Variants in NID1 observed in about 807,000 individuals in gnomAD.
The protein encoded by NID1 is nidogen 1.
Under a neutral mutation model 130.6 loss-of-function variants are expected in NID1, and 76 were observed. The observed-to-expected ratio is 0.58, with a 90% CI of 0.48 to 0.70. The LOEUF is 0.70. NID1 is among the 30% of genes least tolerant of loss of function. NID1 has a pLI of 0.00. For synonymous variants in NID1, 665 were observed against 675.1 expected (o/e 0.98, Z 0.23); for missense variants, 1,517 against 1,664.8 (o/e 0.91, Z 1.54).
chr1:236,064,035 C>T (rs932549951), intron 1 of NID1, among the ~76,000 whole-genome samples: 11 of 152,190 alleles, frequency 7.2e-5, no homozygotes, highest in African/African-American at 2.4e-4. Context: ...GTTTGCAGTT[C>T]CAACCCCCTT....
intron 13 of NID1, among the ~76,000 whole-genome samples, chr1:235,992,257 A>G (rs1402918045): frequency 6.6e-6 from 1 of 152,060 alleles, no homozygotes; most frequent in Non-Finnish European, 1.5e-5. Context: ...ATTACACCCA[A>G]TCGGTGACAC....
At chr1:236,053,938 T>C (rs570719283) in intron 1 of NID1, among the ~76,000 whole-genome samples, 5 of 151,996 alleles carry the variant, frequency 3.3e-5, no homozygotes, top group Non-Finnish European at 7.4e-5. Flanking sequence ...TAAAATAAAA[T>C]AAATAAAAAG....
chr1:236,007,143 C>A (rs1658271982), intron 12 of NID1, among the ~76,000 whole-genome samples: 1 of 152,172 alleles, frequency 6.6e-6, no homozygotes, highest in Non-Finnish European at 1.5e-5. Context: ...CTTGCCTCGG[C>A]CTTGTGAATA....
chr1:236,044,571 T>A (rs967685020), intron 3 of NID1, among the ~76,000 whole-genome samples: 1 of 152,130 alleles, frequency 6.6e-6, no homozygotes. Context: ...TCTGCCCTCA[T>A]AAAACCAGTT....
chr1:236,049,101 A>G, intron 1 of NID1, 112 bp from the exon 2 acceptor site: 1 of 1,133,970 alleles, frequency 8.8e-7, no homozygotes, highest in Non-Finnish European at 1.3e-6. Context: ...TGTAGAATAC[A>G]ACAGAATCTG....
rs1184999205 is a variant in NID1, at chr1:236,038,882, C to T, written c.1136-629G>A. Among the ~76,000 whole-genome samples, 38 of 82,316 alleles carry T rather than the reference C, an allele frequency of 4.6e-4. No individual in the cohort carries two copies. The Admixed American group carries it at 5.7e-3, about 12-fold the overall frequency. The allele number at this position is 82,316 out of a possible 152,430, so 54.0% of individuals were successfully genotyped here. ...ATAGGTCATATATAATATATATTACCTATGTTATATAGGTCATATATAACA... is the reference window on the plus strand; with the variant it reads ...ATAGGTCATATATAATATATATTACTTATGTTATATAGGTCATATATAACA... On this transcript the variant is annotated intron_variant, in intron 4 of 19. Transcript: ENST00000264187.
At chr1:236,049,919 C>A (rs1192370660) in intron 1 of NID1, among the ~76,000 whole-genome samples, 1 of 151,816 alleles carries the variant, frequency 6.6e-6, no homozygotes, top group Non-Finnish European at 1.5e-5. Flanking sequence ...GCACCAAATC[C>A]CAGCTACTCG....
chr1:236,050,568 A>G (rs1190292925), intron 1 of NID1, among the ~76,000 whole-genome samples: 1 of 150,780 alleles, frequency 6.6e-6, no homozygotes, highest in Non-Finnish European at 1.5e-5. Context: ...AAAAAAAAAG[A>G]TATCACTGTT....
At chr1:236,061,042 A>C (rs1660023596) in intron 1 of NID1, among the ~76,000 whole-genome samples, 1 of 152,264 alleles carries the variant, frequency 6.6e-6, no homozygotes, top group South Asian at 2.1e-4. Context: ...CAGAATGAAC[A>C]GTATATCAGT....
chr1:236,017,793 C>T (rs891775714), intron 9 of NID1, among the ~76,000 whole-genome samples: 1 of 152,152 alleles, frequency 6.6e-6, no homozygotes, highest in Non-Finnish European at 1.5e-5. Flanking sequence ...TGTGCTTCCC[C>T]CACCTCTCCT....
intron 6 of NID1, 26 bp from the exon 7 acceptor site, chr1:236,029,776 T>G: frequency 2.5e-6 from 4 of 1,612,834 alleles, no homozygotes; most frequent in Non-Finnish European, 2.5e-6. Context: ...AGACTGTCAC[T>G]TTGCTGACTG....
intron 5 of NID1, among the ~76,000 whole-genome samples, chr1:236,034,526 G>C (rs539467261): frequency 9.2e-5 from 14 of 151,944 alleles, no homozygotes; most frequent in African/African-American, 3.4e-4. Flanking sequence ...CTAAGGGAAA[G>C]AAGTCAGACA....
intron 1 of NID1, 144 bp downstream of exon 1, chr1:236,064,711 G>A: frequency 5.6e-6 from 4 of 710,760 alleles, no homozygotes; most frequent in South Asian, 5.0e-5. Flanking sequence ...CTGCAGAGGC[G>A]GGAGACCCTG....
intron 5 of NID1, among the ~76,000 whole-genome samples, chr1:236,034,486 C>T (rs1659195203): frequency 6.7e-6 from 1 of 148,294 alleles, no homozygotes; most frequent in African/African-American, 2.5e-5. Context: ...TGGGCTAAAA[C>T]AGGCCATGAA....
At chr1:236,061,681 G>C (rs1258733243) in intron 1 of NID1, among the ~76,000 whole-genome samples, 1 of 151,778 alleles carries the variant, frequency 6.6e-6, no homozygotes, top group East Asian at 1.9e-4. Flanking sequence ...GGCCAGGCTG[G>C]TCTCATTTAT....
chr1:236,017,156 G>T lies in NID1; in HGVS notation c.2246C>A (p.Thr749Lys), dbSNP rs778372709. 9 of 1,613,862 alleles carry T rather than the reference G, an allele frequency of 5.6e-6. No homozygotes were observed. The highest frequency in any genetic ancestry group is 2.2e-5 in the East Asian group (1 of 44,884). ...VEGYQFSDEGTCVAVVDQRPI... is the reference protein window; with the variant it reads ...VEGYQFSDEGKCVAVVDQRPI... The stretch of plus-strand genomic sequence containing the variant: ...TTACCTGGAGAACTTACCCACACAC[G>T]TTCCCTCATCTGAAAACTGGTAGCC... The change falls in exon 10 of 20, where the codon ACG becomes AAG. Residue 749 changes from threonine to lysine, a missense_variant. By Grantham distance (78) the Thr-to-Lys change is moderately conservative. This residue lies in a region of NID1 where 1,329 missense variants were observed against 1,429.2 expected (regional missense o/e 0.93). Coordinates refer to ENST00000264187, the MANE Select transcript of NID1 (RefSeq NM_002508.3).
At chr1:235,992,214 C>T (rs557518370) in intron 13 of NID1, among the ~76,000 whole-genome samples, 1 of 152,198 alleles carries the variant, frequency 6.6e-6, no homozygotes, top group African/African-American at 2.4e-5. Context: ...ACAAGGTTGT[C>T]CCCAAGGTCA....
intron 12 of NID1, among the ~76,000 whole-genome samples, chr1:236,005,289 T>A (rs942948875): frequency 2.0e-5 from 3 of 152,070 alleles, no homozygotes; most frequent in Admixed American, 2.0e-4. Context: ...TTTTTTTTTT[T>A]ATTTTTGAAG....
At chr1:236,041,851 G>A (rs1044643474) in intron 4 of NID1, 59 bp downstream of exon 4, 12 of 1,547,342 alleles carry the variant, frequency 7.8e-6, no homozygotes, top group Admixed American at 1.9e-5. Flanking sequence ...CCAGCAGTAC[G>A]CCTGTCTGGA....
Sources: gnomAD v4.1 joint callset for allele counts (sites outside exome capture counted in the v4.1 genomes callset) on GRCh38, gnomAD v4.1.1 for gene constraint, gnomAD v4.1.1 regional missense constraint, MANE v1.5 for transcripts, NCBI Gene and HGNC (gene_info 2026-07-23, HGNC 2026-07-21) for gene names.